ZNF333: variants seen among roughly 807,000 people sequenced by gnomAD.
ZNF333 encodes zinc finger protein 333.
Under a neutral mutation model 76.1 loss-of-function variants are expected in ZNF333, and 61 were observed. That is an observed-to-expected ratio of 0.80 (90% CI 0.65 to 0.99). ZNF333 has a LOEUF of 0.99. Ranked by LOEUF, ZNF333 falls within the 50% of genes least tolerant of loss-of-function variation. The probability of loss-of-function intolerance (pLI) is 0.00; values close to 1 mark genes in which losing one functional copy is unlikely to be tolerated. For synonymous variants in ZNF333, 284 were observed against 305.0 expected (o/e 0.93, Z 0.72); for missense variants, 717 against 822.4 (o/e 0.87, Z 1.57).
At chr19:14,711,879 G>T (rs1384202965) in intron 7 of ZNF333, among the ~76,000 whole-genome samples, 1 of 152,062 alleles carries the variant, frequency 6.6e-6, no homozygotes, top group Non-Finnish European at 1.5e-5. Flanking sequence ...GTTACAGATG[G>T]GTAAGGGCTG....
chr19:14,708,036 C>T, intron 7 of ZNF333: 1 of 398,028 alleles, frequency 2.5e-6, no homozygotes, highest in Middle Eastern at 3.5e-4. Context: ...GAGACAGCAT[C>T]TCGCTCTGTC....
chr19:14,711,720 G>A (rs866431915), intron 7 of ZNF333, among the ~76,000 whole-genome samples: 1 of 152,156 alleles, frequency 6.6e-6, no homozygotes, highest in Non-Finnish European at 1.5e-5. Context: ...GGTGGTTCAT[G>A]TATTCATTTA....
At chr19:14,698,366 TC>T (rs1362413599) in intron 4 of ZNF333, among the ~76,000 whole-genome samples, 4 of 87,548 alleles carry the variant, frequency 4.6e-5, no homozygotes, top group Admixed American at 1.6e-4. Context: ...AGAGTGAGAC[TC>T]CGTCTCAAAA....
chr19:14,703,056 T>G (rs1284657153), intron 5 of ZNF333, among the ~76,000 whole-genome samples: 1 of 151,764 alleles, frequency 6.6e-6, no homozygotes, highest in Admixed American at 6.6e-5. Context: ...TACAAAAAAT[T>G]AGCCGGGCGT....
At position 14,718,296 on chromosome 19, in the gene ZNF333, A is replaced by C; in HGVS notation, c.969A>C (p.Glu323Asp). Residue 323 changes from glutamate (E) to aspartate (D), a missense_variant, in exon 12 of 12, where the codon GAA (glutamate) becomes GAC (aspartate). Physicochemically the swap from Glu to Asp is conservative, Grantham distance 45. Coordinates refer to ENST00000292530, the MANE Select transcript of ZNF333 (RefSeq NM_032433.4). The stretch of plus-strand genomic sequence containing the variant: ...TTGAGAAACCTTTTAACAGCATTGA[A>C]CCACTTTTCCAGTACCAGAGAATTC... Reference protein sequence around the residue: ...NELEKPFNSIEPLFQYQRIHA... With the variant: ...NELEKPFNSIDPLFQYQRIHA... The C allele has an allele frequency of 1.9e-6, 3 of 1,614,186 alleles. No individual in the cohort carries two copies. The highest frequency in any genetic ancestry group is 2.5e-6 in the Non-Finnish European group (3 of 1,180,026).
At chr19:14,715,034 CGTGCGT>C in intron 7 of ZNF333, 1 of 109,996 alleles carries the variant, frequency 9.1e-6, no homozygotes, top group Non-Finnish European at 1.5e-5. Context: ...GGAATGAAGG[CGTGCGT>C]GTGTGTGTGT....
intron 10 of ZNF333, 176 bp downstream of exon 10, chr19:14,717,265 A>C: frequency 1.7e-6 from 1 of 573,946 alleles, no homozygotes; most frequent in Non-Finnish European, 3.1e-6. Flanking sequence ...TAATCTCTAA[A>C]ACTTTGCATT....
chr19:14,706,849 A>G (rs1277787569), intron 7 of ZNF333, 76 bp downstream of exon 7: 5 of 1,289,504 alleles, frequency 3.9e-6, no homozygotes, highest in African/African-American at 1.5e-5. Context: ...CTTGTATCCT[A>G]TCCTGCCTGC....
chr19:14,715,245 G>A (rs2042395071), intron 7 of ZNF333, 137 bp from the exon 8 acceptor site: 3 of 669,220 alleles, frequency 4.5e-6, no homozygotes, highest in African/African-American at 1.8e-5. Flanking sequence ...GTGTCTGCAT[G>A]TGTGTGTCCC....
chr19:14,696,496 G>A (rs1292337901), intron 4 of ZNF333, among the ~76,000 whole-genome samples: 1 of 152,080 alleles, frequency 6.6e-6, no homozygotes, highest in African/African-American at 2.4e-5. Context: ...AAGTTAGACT[G>A]GGTAGTTTAT....
chr19:14,719,097 T>C lies in ZNF333; in HGVS notation c.1770T>C (p.Tyr590=). Residue 590 remains tyrosine (Y), a synonymous_variant, in exon 12 of 12, where the codon TAT becomes TAC. Transcript: ENST00000292530. ...GGACTCACAGTGGCAAGAAGCCCTATGCATGCCAGGAATGCGGGCGAGCCT... is the reference window on the plus strand; with the variant it reads ...GGACTCACAGTGGCAAGAAGCCCTACGCATGCCAGGAATGCGGGCGAGCCT... ...HARTHSGKKP[Y]ACQECGRAFG... 6.2e-7 allele frequency: 1 copy of C among 1,614,192 alleles called. No homozygotes were observed. Among genetic ancestry groups the C allele is most frequent in the Non-Finnish European group, 8.5e-7 (1 of 1,180,026 alleles).
At position 14,718,828 on chromosome 19, in the gene ZNF333, A is replaced by G. The variant is rs1457447061; in HGVS notation, c.1501A>G (p.Thr501Ala). 21 of 1,613,968 alleles carry G rather than the reference A, an allele frequency of 1.3e-5. No individual in the cohort carries two copies. The highest frequency in any genetic ancestry group is 1.7e-5 in the Non-Finnish European group (20 of 1,180,014). ...ACTGAAGACACATCTGCGAACCCAT[A>G]CCAGAGAGAAACCATATGAATGCAA... ...SSLKTHLRTH[T>A]REKPYECNQC... Residue 501 changes from threonine to alanine, a missense_variant, in exon 12 of 12, where the codon ACC (threonine) becomes GCC (alanine). By Grantham distance (58) the Thr-to-Ala change is moderately conservative. Coordinates refer to ENST00000292530, the MANE Select transcript of ZNF333 (RefSeq NM_032433.4).
chr19:14,716,205 A>T lies in ZNF333; in HGVS notation c.694A>T (p.Met232Leu), dbSNP rs568237245. 6 of 1,613,564 alleles carry T rather than the reference A, an allele frequency of 3.7e-6. No individual in the cohort carries two copies. The East Asian group carries it at 6.7e-5, about 18-fold the overall frequency. Residue 232 changes from methionine to leucine, a missense_variant, in exon 9 of 12, where the codon ATG becomes TTG. Met to Leu is a conservative substitution (Grantham distance 15). Transcript: ENST00000292530. ...STQRSLYRDV[M>L]LENYRNLASV... ...TCAGAGGAGCCTGTATAGAGATGTG[A>T]TGCTGGAGAACTACAGGAACCTGGC...
chr19:14,709,837 G>A (rs914978591), intron 7 of ZNF333, among the ~76,000 whole-genome samples: 1 of 152,220 alleles, frequency 6.6e-6, no homozygotes, highest in Non-Finnish European at 1.5e-5. Context: ...TTTCTGTTAA[G>A]TCACCTAGCG....
At chr19:14,708,153 G>A (rs1015902029) in intron 7 of ZNF333, 7 of 391,394 alleles carry the variant, frequency 1.8e-5, no homozygotes, top group African/African-American at 1.4e-4. Flanking sequence ...GATTACAGGG[G>A]TGCGCTACCA....
At chr19:14,730,131 C>A (rs1290373076) in intron 11 of ZNF333, among the ~76,000 whole-genome samples, 4 of 152,204 alleles carry the variant, frequency 2.6e-5, no homozygotes, top group Non-Finnish European at 5.9e-5. Context: ...CTGCTCACTG[C>A]AACCTCTGCC....
At position 14,697,732 on chromosome 19, in the gene ZNF333, C is replaced by T. The variant is rs1914797043; in HGVS notation, c.224-1467C>T. Among the ~76,000 whole-genome samples, 5 of 152,124 alleles carry T rather than the reference C, an allele frequency of 3.3e-5. No homozygotes were observed. The South Asian group carries it at 1.0e-3, about 31-fold the overall frequency. On this transcript the variant is annotated intron_variant, in intron 4 of 11. Coordinates refer to ENST00000292530, the MANE Select transcript of ZNF333 (RefSeq NM_032433.4). ...ATACTGAGGAGCAGAATTGCTGGCT[C>T]ATATGGTAATGCTATGCTTAACTTC...
rs2042546826 is a variant in ZNF333 at position 14,719,675 on chromosome 19, GCTATTT to G, written c.*353_*358del. The stretch of plus-strand genomic sequence containing the variant: ...CTGGAAGGTTCCTGCATGTTATATG[GCTATTT>G]CTTAGTTGCCTTTTTGTTGTTGGTT... On this transcript the variant is annotated 3_prime_UTR_variant, in exon 12 of 12. Coordinates refer to ENST00000292530, the MANE Select transcript of ZNF333 (RefSeq NM_032433.4). The G allele has an allele frequency of 9.7e-7, 1 of 1,033,656 alleles. No individual in the cohort carries two copies. The highest frequency in any genetic ancestry group is 8.7e-5 in the East Asian group (1 of 11,472). The allele number at this position is 1,033,656 out of a possible 1,614,324, so 64.0% of individuals were successfully genotyped here. A position where few individuals can be genotyped will look rare whatever the true frequency, so the allele number is the denominator to read the frequency against.
chr19:14,727,674 A>G (rs8109566), intron 11 of ZNF333, among the ~76,000 whole-genome samples: 12,352 of 151,834 alleles, frequency 0.081, 1,720 homozygotes, highest in African/African-American at 0.28. Context: ...GGAGGGGACA[A>G]ACATCCAAAC....
Sources: gnomAD v4.1 joint callset for allele counts (sites outside exome capture counted in the v4.1 genomes callset) on GRCh38, gnomAD v4.1.1 for gene constraint, MANE v1.5 for transcripts, NCBI Gene and HGNC (gene_info 2026-07-23, HGNC 2026-07-21) for gene names.